The following ZNF536 variants were observed in gnomAD, a reference collection of about 807,000 sequenced individuals.
ZNF536 encodes zinc finger protein 536.
ZNF536 carries 13 observed loss-of-function variants against 84.5 expected under a neutral mutation model. The observed-to-expected ratio is 0.15, with a 90% CI of 0.10 to 0.24. The LOEUF (loss-of-function observed/expected upper bound fraction) is 0.24, where lower values mean the gene tolerates loss of function less well. Among genes scored for constraint, ZNF536 ranks in the 10% least tolerant of loss-of-function variants. The probability of loss-of-function intolerance (pLI) is 1.00; values close to 1 mark genes in which losing one functional copy is unlikely to be tolerated. For synonymous variants in ZNF536, 811 were observed against 742.5 expected, an observed-to-expected ratio of 1.09 and a Z score of -1.50; for missense variants, 1,536 against 1,747.5, an observed-to-expected ratio of 0.88 and a Z score of 2.16.
chr19:30,621,309 C>T (rs555242535), intron 1 of ZNF536, among the ~76,000 whole-genome samples: 3 of 152,110 alleles, frequency 2.0e-5, no homozygotes, highest in East Asian at 1.9e-4. Flanking sequence ...ACAGATGCTT[C>T]GAAGGTCTTT....
At chr19:30,412,808 A>G (rs898362478) in intron 1 of ZNF536, among the ~76,000 whole-genome samples, 1 of 152,008 alleles carries the variant, frequency 6.6e-6, no homozygotes, top group African/African-American at 2.4e-5. Flanking sequence ...GTTTATATAC[A>G]GAGACGATCT....
upstream of ZNF536, among the ~76,000 whole-genome samples, chr19:30,368,525 G>A (rs1302647882): frequency 1.3e-5 from 2 of 152,244 alleles, no homozygotes; most frequent in Non-Finnish European, 1.5e-5. Context: ...TGACCACCTG[G>A]AGAAGGCACC....
At chr19:30,323,404 T>C (rs1278436086) in intron 2 of ZNF536, among the ~76,000 whole-genome samples, 1 of 152,230 alleles carries the variant, frequency 6.6e-6, no homozygotes, top group East Asian at 1.9e-4. Context: ...CTTGAATTTT[T>C]AATTCACCCA....
intron 1 of ZNF536, among the ~76,000 whole-genome samples, chr19:30,692,891 G>C (rs1018572394): frequency 2.0e-5 from 3 of 152,194 alleles, no homozygotes; most frequent in Non-Finnish European, 2.9e-5. Flanking sequence ...TAAATGAAGA[G>C]TCTAACAACC....
At chr19:30,384,140 C>G (rs1223350995) in intron 1 of ZNF536, among the ~76,000 whole-genome samples, 4 of 110,394 alleles carry the variant, frequency 3.6e-5, no homozygotes, top group Non-Finnish European at 5.5e-5. Flanking sequence ...TTCTTTCTTT[C>G]TTTCTTTCTT....
In ZNF536 at chr19:30,443,931, C is replaced by T. The variant is rs750940266; in HGVS notation, c.369C>T (p.Asp123=). 1 of 1,613,680 alleles carries T rather than the reference C, an allele frequency of 6.2e-7. No individual in the cohort carries two copies. Among genetic ancestry groups the T allele is most frequent in the Non-Finnish European group, 8.5e-7 (1 of 1,180,016 alleles). ...CCCAGATGAGCGACATCGAGGACGA[C>T]GCCCGCAAGAACCGCAAGTACCCGT... ...IMSQMSDIED[D]ARKNRKYPCP... is the part of the protein sequence containing the mutation. The change falls in exon 2 of 5, where the codon GAC becomes GAT. Residue 123 remains aspartate, a synonymous_variant. Coordinates refer to ENST00000355537, the MANE Select transcript of ZNF536 (RefSeq NM_014717.3).
At chr19:30,401,693 A>G (rs2050053515) in intron 1 of ZNF536, among the ~76,000 whole-genome samples, 1 of 152,216 alleles carries the variant, frequency 6.6e-6, no homozygotes, top group South Asian at 2.1e-4. Context: ...ATGTTTTTCT[A>G]TTTCTATTCA....
intron 1 of ZNF536, among the ~76,000 whole-genome samples, chr19:30,653,600 G>C (rs895890328): frequency 2.0e-5 from 3 of 152,178 alleles, no homozygotes; most frequent in Non-Finnish European, 4.4e-5. Flanking sequence ...ATAGAAGAGA[G>C]GTGGGATCCG....
intron 2 of ZNF536, among the ~76,000 whole-genome samples, chr19:30,319,251 C>T (rs994596703): frequency 2.0e-5 from 3 of 152,184 alleles, no homozygotes; most frequent in Non-Finnish European, 4.4e-5. Context: ...TTCAGATGAT[C>T]GTGGCAGGAA....
intron 2 of ZNF536, among the ~76,000 whole-genome samples, chr19:30,457,222 A>C (rs375438888): frequency 1.3e-5 from 2 of 152,214 alleles, no homozygotes; most frequent in East Asian, 3.9e-4. Context: ...TGAAAGGGCA[A>C]GGAACCACTT....
At chr19:30,513,040 T>C (rs763056950) in intron 2 of ZNF536, among the ~76,000 whole-genome samples, 15 of 152,072 alleles carry the variant, frequency 9.9e-5, no homozygotes, top group Non-Finnish European at 4.4e-5. Context: ...TATTTTTTTT[T>C]CTTTTCTTTC....
chr19:30,254,495 C>T (rs1599902790), intron 1 of ZNF536, among the ~76,000 whole-genome samples: 2 of 149,488 alleles, frequency 1.3e-5, no homozygotes, highest in East Asian at 3.9e-4. Context: ...ATTAGAGATA[C>T]AGTTGGCATT....
At chr19:30,568,383 C>T (rs1568562500) in intron 1 of ZNF536, among the ~76,000 whole-genome samples, 1 of 152,092 alleles carries the variant, frequency 6.6e-6, no homozygotes, top group Non-Finnish European at 1.5e-5. Flanking sequence ...CATTGTTCTG[C>T]ACAAAGAGGA....
intron 2 of ZNF536, among the ~76,000 whole-genome samples, chr19:30,317,087 C>CTGTA (rs1421370364): frequency 6.6e-6 from 1 of 152,168 alleles, no homozygotes; most frequent in Non-Finnish European, 1.5e-5. Flanking sequence ...CTCTGATAGC[C>CTGTA]TGTAGTTCAA....
chr19:30,655,716 CT>C (rs2049884590), intron 1 of ZNF536, among the ~76,000 whole-genome samples: 1 of 152,148 alleles, frequency 6.6e-6, no homozygotes, highest in Admixed American at 6.5e-5. Context: ...TCCTTTTGCT[CT>C]TTAGTGTCTT....
chr19:30,462,299 TGTGA>T (rs112371636), intron 2 of ZNF536, among the ~76,000 whole-genome samples: 12,552 of 132,802 alleles, frequency 0.095, 1,282 homozygotes, highest in African/African-American at 0.27. Context: ...ATTTTGTGTG[TGTGA>T]GTGTGTGTGT....
At chr19:30,707,588 T>A (rs922464298) in intron 1 of ZNF536, among the ~76,000 whole-genome samples, 40 of 152,232 alleles carry the variant, frequency 2.6e-4, no homozygotes, top group African/African-American at 9.2e-4. Context: ...TCTTGTACTT[T>A]ATTTTGTTCT....
intron 1 of ZNF536, among the ~76,000 whole-genome samples, chr19:30,388,898 G>A (rs560354409): frequency 2.6e-5 from 4 of 152,314 alleles, no homozygotes; most frequent in African/African-American, 9.6e-5. Context: ...GCTGGCAATG[G>A]CCATTTATGT....
At chr19:30,619,750 A>G (rs761915749) in intron 1 of ZNF536, among the ~76,000 whole-genome samples, 3 of 152,218 alleles carry the variant, frequency 2.0e-5, no homozygotes, top group Non-Finnish European at 2.9e-5. Context: ...TCTTCCTTGC[A>G]GGAAAGCAAG....
Sources: allele counts gnomAD v4.1 joint callset (sites outside exome capture counted in the v4.1 genomes callset), GRCh38; gene constraint gnomAD v4.1.1; transcripts MANE v1.5; gene names NCBI Gene and HGNC (gene_info 2026-07-23, HGNC 2026-07-21).